The following ITGA6 variants were observed in gnomAD, a reference collection of about 807,000 sequenced individuals.
ITGA6 encodes the protein integrin alpha-6.
Under a neutral mutation model 133.6 loss-of-function variants are expected in ITGA6, and 63 were observed. The ratio of observed to expected loss-of-function variants is 0.47; its 90% CI spans 0.38 to 0.58. The LOEUF (loss-of-function observed/expected upper bound fraction) is 0.58, where lower values mean the gene tolerates loss of function less well. Among genes scored for constraint, ITGA6 ranks in the 20% least tolerant of loss-of-function variants. The pLI, the probability that ITGA6 is intolerant of heterozygous loss-of-function variation, is 0.00. For missense variants in ITGA6, 1,068 were observed against 1,309.4 expected (o/e 0.82, Z 2.85); for synonymous variants, 434 against 482.0 (o/e 0.90, Z 1.30).
At chr2:172,458,259 T>C (rs1445221850) in intron 1 of ITGA6, among the ~76,000 whole-genome samples, 5 of 151,828 alleles carry the variant, frequency 3.3e-5, no homozygotes, top group Non-Finnish European at 5.9e-5. Context: ...TTTTTTTTTT[T>C]TGAGACCATC....
In ITGA6 at chr2:172,472,668, T is replaced by G. The variant is rs1012503914; in HGVS notation, c.776-1387T>G. ...CTGGCAATGAGAGCAGCTTGCCGGA[T>G]GCAGTGGTGGCCTCCTCATCCAGCG... On this transcript the variant is annotated intron_variant, in intron 5 of 25. Coordinates refer to ENST00000684293, the MANE Select transcript of ITGA6 (RefSeq NM_000210.4). 4 of 709,960 alleles carry G rather than the reference T, an allele frequency of 5.6e-6. No homozygotes were observed. In the African/African-American group the frequency reaches 7.0e-5, roughly 12 times the overall value. 44.0% of individuals were successfully genotyped at this position (709,960 alleles called of 1,614,324 possible).
intron 1 of ITGA6, among the ~76,000 whole-genome samples, chr2:172,437,730 T>C (rs1684380682): frequency 6.6e-6 from 1 of 152,136 alleles, no homozygotes; most frequent in Non-Finnish European, 1.5e-5. Context: ...GTGTTTAGAA[T>C]GATGAACTGA....
intron 1 of ITGA6, among the ~76,000 whole-genome samples, chr2:172,456,852 T>G (rs887153986): frequency 6.6e-6 from 1 of 152,226 alleles, no homozygotes; most frequent in Non-Finnish European, 1.5e-5. Context: ...ATTGTTCTCT[T>G]ATGAGAGCTG....
At position 172,464,614 on chromosome 2, in the gene ITGA6, A is replaced by G. The variant is rs1574359126; in HGVS notation, c.183-925A>G. The G allele has an allele frequency of 2.0e-5, 3 of 152,304 alleles. No individual in the cohort carries two copies. In the East Asian group the frequency reaches 5.8e-4, roughly 29 times the overall value. The allele number at this position is 152,304 out of a possible 1,614,324, so 9.4% of individuals were successfully genotyped here. ...AGGTGTTAGCAAAAGAGACCTAGCA[A>G]CAAGGTCATTGGATCTCTAAAGAGC... On this transcript the variant is annotated intron_variant, in intron 1 of 25. Coordinates refer to ENST00000684293, the MANE Select transcript of ITGA6 (RefSeq NM_000210.4).
At chr2:172,480,181 G>A (rs1390745034) in intron 11 of ITGA6, 130 bp downstream of exon 11, 5 of 699,030 alleles carry the variant, frequency 7.2e-6, no homozygotes, top group African/African-American at 1.8e-5. Flanking sequence ...AGAATTAAGT[G>A]TATGTTTTGT....
Position 172,454,097 on chromosome 2 carries a change from T to G in ITGA6, c.183-11442T>G, listed in dbSNP as rs1236627695. Among the ~76,000 whole-genome samples the G allele has an allele frequency of 1.5e-4, 23 of 151,816 alleles. No individual in the cohort carries two copies. In the East Asian group the frequency reaches 3.3e-3, roughly 22 times the overall value. On this transcript the variant is annotated intron_variant, in intron 1 of 25. Coordinates refer to ENST00000684293, the MANE Select transcript of ITGA6 (RefSeq NM_000210.4). ...TTTTTTTTTGTTTTGTTTTGTTTTT[T>G]TTTTTTGAGATGGAGTCTCACTCTT...
At chr2:172,479,885 T>C in intron 10 of ITGA6, 105 bp from the exon 11 acceptor site, 3 of 1,056,566 alleles carry the variant, frequency 2.8e-6, no homozygotes, top group Non-Finnish European at 4.5e-6. Flanking sequence ...TATAACATGT[T>C]GATCATCAAT....
chr2:172,477,840 TA>T (rs1686244943), intron 9 of ITGA6, among the ~76,000 whole-genome samples: 3 of 152,322 alleles, frequency 2.0e-5, no homozygotes, highest in African/African-American at 7.2e-5. Flanking sequence ...ATGTAGCACC[TA>T]AATCTTCCTG....
chr2:172,494,384 T>G (rs1388736816), intron 23 of ITGA6, among the ~76,000 whole-genome samples: 1 of 152,070 alleles, frequency 6.6e-6, no homozygotes, highest in Non-Finnish European at 1.5e-5. Flanking sequence ...GGCACATGCC[T>G]GTATTCCCAG....
chr2:172,441,184 G>A (rs921390850), intron 1 of ITGA6, among the ~76,000 whole-genome samples: 1 of 152,008 alleles, frequency 6.6e-6, no homozygotes, highest in Non-Finnish European at 1.5e-5. Context: ...TTTTCTTACT[G>A]ATGTTTTCAT....
At chr2:172,463,751 C>T (rs1685530342) in intron 1 of ITGA6, among the ~76,000 whole-genome samples, 1 of 152,170 alleles carries the variant, frequency 6.6e-6, no homozygotes, top group African/African-American at 2.4e-5. Context: ...GATCCTGGCA[C>T]CCCACTTATC....
intron 5 of ITGA6, chr2:172,473,026 G>C: frequency 1.6e-6 from 1 of 622,758 alleles, no homozygotes; most frequent in Non-Finnish European, 2.9e-6. Context: ...GCATGCCATG[G>C]CTGGGGCTCT....
intron 1 of ITGA6, among the ~76,000 whole-genome samples, chr2:172,458,013 T>C (rs78074325): frequency 0.012 from 1,868 of 151,910 alleles, 27 homozygotes; most frequent in Middle Eastern, 0.051. Context: ...AAGCAGGGAC[T>C]AGGAGAGAGG....
In ITGA6 at chr2:172,488,058, A is replaced by C; in HGVS notation, c.2402+20A>C. On this transcript the variant is annotated intron_variant, in intron 18 of 25. Transcript: ENST00000684293. ...CTCGGGGTAAGTGTTTGTGTTTAGC[A>C]TAACAAATCAATGTTTGAAAGAACC... is the stretch of plus-strand genomic sequence containing the variant. The C allele has an allele frequency of 1.9e-6, 3 of 1,612,898 alleles. 1 individual carries two copies. The highest frequency in any genetic ancestry group is 2.5e-6 in the Non-Finnish European group (3 of 1,178,840).
At chr2:172,497,038 T>C (rs1335506675) in intron 23 of ITGA6, among the ~76,000 whole-genome samples, 1 of 152,222 alleles carries the variant, frequency 6.6e-6, no homozygotes, top group African/African-American at 2.4e-5. Flanking sequence ...GGAAATGTTA[T>C]TGTTTATGAG....
rs150691542 is a variant in ITGA6 at position 172,469,926 on chromosome 2, G to A, written c.643+546G>A. ...AATTTCAGATATGTGAGGAAAAGTC[G>A]TTTGATTATTGTGATGTGAGTAAAT... On this transcript the variant is annotated intron_variant, in intron 4 of 25. Transcript: ENST00000684293. Among the ~76,000 whole-genome samples the A allele has an allele frequency of 2.3e-3, 356 of 152,240 alleles. 3 individuals are homozygous for A. Among genetic ancestry groups the A allele is most frequent in the Middle Eastern group, 6.8e-3 (2 of 294 alleles).
At position 172,488,156 on chromosome 2, in the gene ITGA6, A is replaced by G; in HGVS notation, c.2433A>G (p.Gly811=). 1 of 1,614,076 alleles carries G rather than the reference A, an allele frequency of 6.2e-7. No homozygotes were observed. The highest frequency in any genetic ancestry group is 8.5e-7 in the Non-Finnish European group (1 of 1,179,972). ...GVAKPSQVYF[G]GTVVGEQAMK... ...CTAAACCTTCCCAGGTGTATTTTGG[A>G]GGTACAGTTGTTGGCGAGCAAGCTA... Residue 811 remains glycine (G), a synonymous_variant, in exon 19 of 26, where the codon GGA becomes GGG. Transcript: ENST00000684293.
intron 1 of ITGA6, among the ~76,000 whole-genome samples, chr2:172,432,830 T>A (rs778510317): frequency 2.0e-5 from 3 of 152,156 alleles, no homozygotes; most frequent in Non-Finnish European, 4.4e-5. Flanking sequence ...CAGAGAAGGA[T>A]GACTGTGGAA....
At position 172,474,327 on chromosome 2, in the gene ITGA6, G is replaced by A. The variant is rs913380895; in HGVS notation, c.986+62G>A. On this transcript the variant is annotated intron_variant, in intron 6 of 25. Transcript: ENST00000684293. ...TTTCTGCTTTGACTAGCTTCTATAC[G>A]ACTGGAGAAGAGCCGTCCTTTCAGG... 54 of 1,399,886 alleles carry A rather than the reference G, an allele frequency of 3.9e-5. No individual in the cohort carries two copies. In the East Asian group the frequency reaches 1.1e-3, roughly 28 times the overall value. 86.7% of individuals were successfully genotyped at this position (1,399,886 alleles called of 1,614,324 possible).
Sources: gnomAD v4.1 joint callset for allele counts (sites outside exome capture counted in the v4.1 genomes callset) on GRCh38, gnomAD v4.1.1 for gene constraint, MANE v1.5 for transcripts, NCBI Gene and HGNC (gene_info 2026-07-23, HGNC 2026-07-21) for gene names.